The following MTHFSD variants were observed in gnomAD, a reference collection of about 807,000 sequenced individuals.
MTHFSD encodes methenyltetrahydrofolate synthase domain-containing protein.
Under a neutral mutation model 31.1 loss-of-function variants are expected in MTHFSD, and 37 were observed. That is an observed-to-expected ratio of 1.19 (90% CI 0.91 to 1.56). The LOEUF is 1.56. Ranked by LOEUF, MTHFSD falls within the 40% of genes most tolerant of loss-of-function variation. The pLI, the probability that MTHFSD is intolerant of heterozygous loss-of-function variation, is 0.00. For missense variants in MTHFSD, 664 were observed against 510.1 expected, an observed-to-expected ratio of 1.30 and a Z score of -2.91; for synonymous variants, 221 against 206.9, an observed-to-expected ratio of 1.07 and a Z score of -0.59.
At chr16:86,537,630 C>T (rs560459736) in intron 7 of MTHFSD, among the ~76,000 whole-genome samples, 3 of 152,160 alleles carry the variant, frequency 2.0e-5, no homozygotes, top group Non-Finnish European at 4.4e-5. Context: ...TTGCAGAGAA[C>T]AATTGTGTTT....
chr16:86,553,846 TATGTC>T (rs1973584624), intron 2 of MTHFSD: 1 of 152,492 alleles, frequency 6.6e-6, no homozygotes, highest in Admixed American at 6.5e-5. Context: ...GGAGAATCTT[TATGTC>T]TAGCTAAGGG....
chr16:86,532,293 C>A lies in MTHFSD; in HGVS notation c.870G>T (p.Met290Ile). ...PDTPGPETNSMEAAPGSPPGE... is the reference protein window; with the variant it reads ...PDTPGPETNSIEAAPGSPPGE... ...CTGGTGGGGAGCCAGGGGCTGCCTCCATGGAATTGGTTTCTGGTCCGGGTG... is the reference window on the plus strand; with the variant it reads ...CTGGTGGGGAGCCAGGGGCTGCCTCAATGGAATTGGTTTCTGGTCCGGGTG... The change falls in exon 8 of 8, where the codon ATG (methionine) becomes ATT (isoleucine). Residue 290 changes from methionine to isoleucine, a missense_variant. Physicochemically the swap from Met to Ile is conservative, Grantham distance 10. Coordinates refer to ENST00000360900, the MANE Select transcript of MTHFSD (RefSeq NM_001159377.2). 1.3e-6 allele frequency: 2 copies of A among 1,576,106 alleles called. No individual in the cohort carries two copies. Among genetic ancestry groups the A allele is most frequent in the East Asian group, 4.6e-5 (2 of 43,672 alleles).
chr16:86,541,596 C>A, intron 7 of MTHFSD, 101 bp downstream of exon 7: 1 of 1,490,102 alleles, frequency 6.7e-7, no homozygotes, highest in Non-Finnish European at 9.1e-7. Context: ...TAACATACAG[C>A]CATGCTGGGA....
chr16:86,542,308 C>G lies in MTHFSD; in HGVS notation c.443-95G>C. 9.8e-7 allele frequency: 1 copy of G among 1,022,280 alleles called. No homozygotes were observed. The highest frequency in any genetic ancestry group is 2.4e-5 in the Admixed American group (1 of 41,974). The allele number at this position is 1,022,280 out of a possible 1,614,324, so 63.3% of individuals were successfully genotyped here. ...GGTCCAGTGGAAGAAGAAACTTGAA[C>G]CCAATATCCCGAGCTAATCTATAGA... is the stretch of plus-strand genomic sequence containing the variant. On this transcript the variant is annotated intron_variant, in intron 5 of 7. Transcript: ENST00000360900. This position sits in a 1 kb window ranked among gnomAD's most constrained non-coding sequence, Gnocchi z 4.6.
chr16:86,539,765 C>A (rs1258237087), intron 7 of MTHFSD, among the ~76,000 whole-genome samples: 1 of 152,190 alleles, frequency 6.6e-6, no homozygotes, highest in Non-Finnish European at 1.5e-5. Context: ...AAAGGTGGAA[C>A]AAAGGCCAGG....
chr16:86,550,668 C>T (rs1007620139), intron 3 of MTHFSD, among the ~76,000 whole-genome samples: 2 of 152,204 alleles, frequency 1.3e-5, no homozygotes, highest in Admixed American at 6.5e-5. Flanking sequence ...GACAGAACTG[C>T]GCCTCGAATG....
At chr16:86,533,122 G>C (rs765608150) in intron 7 of MTHFSD, 1 of 152,360 alleles carries the variant, frequency 6.6e-6, no homozygotes. Context: ...AATCAGTAAC[G>C]CTATGCGAAA....
chr16:86,534,897 G>A (rs1424365303), intron 7 of MTHFSD, among the ~76,000 whole-genome samples: 2 of 152,128 alleles, frequency 1.3e-5, no homozygotes, highest in African/African-American at 2.4e-5. Context: ...GGGGTCCATC[G>A]GGAGCTGCGC....
At chr16:86,548,893 T>C (rs141823213) in intron 3 of MTHFSD, among the ~76,000 whole-genome samples, 1 of 152,338 alleles carries the variant, frequency 6.6e-6, no homozygotes, top group East Asian at 1.9e-4. Flanking sequence ...CTAAGGTCAG[T>C]TCTGACAAAA....
intron 3 of MTHFSD, 108 bp downstream of exon 3, chr16:86,551,925 A>G: frequency 1.3e-6 from 2 of 1,520,916 alleles, no homozygotes; most frequent in Non-Finnish European, 8.8e-7. Flanking sequence ...GGGAATCGGA[A>G]GCACCGACTT....
At chr16:86,554,911 C>T in intron 1 of MTHFSD, 160 bp from the exon 2 acceptor site, 2 of 1,078,112 alleles carry the variant, frequency 1.9e-6, no homozygotes, top group Non-Finnish European at 2.6e-6. Context: ...CCCACGGGCT[C>T]CCCCACGTGC....
intron 6 of MTHFSD, 126 bp from the exon 7 acceptor site, chr16:86,541,948 C>T: frequency 1.4e-6 from 2 of 1,421,734 alleles, no homozygotes; most frequent in East Asian, 2.3e-5. Flanking sequence ...GGGGCTAAGG[C>T]TTAGCCGCTG....
intron 4 of MTHFSD, chr16:86,547,507 C>CAA: frequency 1.0e-6 from 1 of 986,412 alleles, no homozygotes; most frequent in Non-Finnish European, 1.2e-6. Context: ...GGAAACCCTG[C>CAA]ACTGCAGGAA....
chr16:86,536,924 G>A (rs1007608366), intron 7 of MTHFSD, among the ~76,000 whole-genome samples: 1 of 152,174 alleles, frequency 6.6e-6, no homozygotes, highest in Admixed American at 6.5e-5. Flanking sequence ...TTTCCGTGTT[G>A]GCTGTTCCGG....
chr16:86,555,219 AG>A lies in MTHFSD; in HGVS notation c.-36del, dbSNP rs1973932544. The A allele has an allele frequency of 2.6e-6, 4 of 1,535,922 alleles. No homozygotes were observed. In the East Asian group the frequency reaches 9.8e-5, roughly 38 times the overall value. ...GTCGCTGTGCGACGCTTCCCGGCGC[AG>A]GTTCTGGCGCGTAGTGACGTCACCC... On this transcript the variant is annotated 5_prime_UTR_variant, in exon 1 of 8. Coordinates refer to ENST00000360900, the MANE Select transcript of MTHFSD (RefSeq NM_001159377.2).
At chr16:86,536,234 G>C (rs769359510) in intron 7 of MTHFSD, among the ~76,000 whole-genome samples, 1 of 152,182 alleles carries the variant, frequency 6.6e-6, no homozygotes, top group Non-Finnish European at 1.5e-5. Context: ...ACTAAATTTG[G>C]TTGTTCACTG....
chr16:86,549,953 T>C (rs1012547572), intron 3 of MTHFSD, among the ~76,000 whole-genome samples: 19 of 151,970 alleles, frequency 1.3e-4, no homozygotes, highest in Admixed American at 3.9e-4. Context: ...CCTGTAGCTG[T>C]GGCTTGAGGT....
chr16:86,545,030 G>A (rs1255226350), intron 5 of MTHFSD, among the ~76,000 whole-genome samples: 1 of 152,296 alleles, frequency 6.6e-6, no homozygotes, highest in East Asian at 1.9e-4. Flanking sequence ...CACAGGGAGG[G>A]GAACAACACA....
chr16:86,555,103 A>C, intron 1 of MTHFSD, 66 bp downstream of exon 1: 1 of 1,523,636 alleles, frequency 6.6e-7, no homozygotes, highest in Non-Finnish European at 8.8e-7. Flanking sequence ...CCCCGCCTCG[A>C]CCCTCACCGG....
Sources: allele counts gnomAD v4.1 joint callset (sites outside exome capture counted in the v4.1 genomes callset), GRCh38; gene constraint gnomAD v4.1.1; non-coding constraint Gnocchi (gnomAD v3.1); transcripts MANE v1.5; gene names NCBI Gene and HGNC (gene_info 2026-07-23, HGNC 2026-07-21).